Variants in GOLGA4 observed in about 807,000 individuals in gnomAD.
GOLGA4 encodes golgin subfamily A member 4.
Under a neutral mutation model 265.9 loss-of-function variants are expected in GOLGA4, and 169 were observed. The observed-to-expected ratio is 0.64, with a 90% CI of 0.56 to 0.72. The LOEUF is 0.72. Among genes scored for constraint, GOLGA4 ranks in the 30% least tolerant of loss-of-function variants. GOLGA4 has a pLI of 0.00. For synonymous variants in GOLGA4, 923 were observed against 855.8 expected (o/e 1.08, Z -1.37); for missense variants, 2,482 against 2,483.4 (o/e 1.00, Z 0.01).
Position 37,244,768 on chromosome 3 carries a change from A to G in GOLGA4, c.72+1146A>G, listed in dbSNP as rs368380697. Among the ~76,000 whole-genome samples the G allele has an allele frequency of 2.4e-3, 373 of 152,370 alleles. 4 individuals carry two copies. The highest frequency in any genetic ancestry group is 8.4e-3 in the African/African-American group (351 of 41,590). On this transcript the variant is annotated intron_variant, in intron 1 of 23. Transcript: ENST00000361924. Reference sequence around the variant, plus strand: ...TGCTTGAGAAAAACATCAGAACACAACACTGAAGGGTTGCTTCTTTTCTCA... The same window carrying G: ...TGCTTGAGAAAAACATCAGAACACAGCACTGAAGGGTTGCTTCTTTTCTCA...
intron 20 of GOLGA4, among the ~76,000 whole-genome samples, chr3:37,346,603 A>G (rs2097057192): frequency 2.0e-5 from 3 of 152,286 alleles, no homozygotes; most frequent in African/African-American, 7.2e-5. Flanking sequence ...GCTTTTATAA[A>G]CAGTGTAAGT....
intron 2 of GOLGA4, among the ~76,000 whole-genome samples, chr3:37,262,353 A>G (rs202108955): frequency 1.3e-5 from 2 of 152,068 alleles, no homozygotes; most frequent in African/African-American, 4.8e-5. Context: ...TAATAATACA[A>G]AAATTAGCTG....
In GOLGA4 at chr3:37,247,550, A is replaced by G. The variant is rs116957824; in HGVS notation, c.73-3845A>G. 5.9e-4 allele frequency among the ~76,000 whole-genome samples: 90 copies of G among 152,328 alleles called. 2 individuals carry two copies. In the East Asian group the frequency reaches 0.016, roughly 27 times the overall value. On this transcript the variant is annotated intron_variant, in intron 1 of 23. Transcript: ENST00000361924. Reference sequence around the variant, plus strand: ...GACAAGGGATTCAAGGCTTATTCCTAAGGATGACTGGATTAGTTTTCTAAT... The same window carrying G: ...GACAAGGGATTCAAGGCTTATTCCTGAGGATGACTGGATTAGTTTTCTAAT...
intron 21 of GOLGA4, 121 bp from the exon 22 acceptor site, chr3:37,354,980 T>C: frequency 1.6e-6 from 1 of 639,164 alleles, no homozygotes. Context: ...CACATCATAC[T>C]TCTTTGTTCG....
chr3:37,273,697 G>A, intron 2 of GOLGA4: 1 of 719,384 alleles, frequency 1.4e-6, no homozygotes, highest in East Asian at 2.7e-5. Context: ...CATTGAAATG[G>A]TGATGTCCAA....
intron 2 of GOLGA4, among the ~76,000 whole-genome samples, chr3:37,254,103 A>G (rs2096741589): frequency 6.6e-6 from 1 of 152,200 alleles, no homozygotes; most frequent in African/African-American, 2.4e-5. Context: ...ATATACTATA[A>G]TGTCAATCAA....
At chr3:37,316,078 A>G (rs1031291007) in intron 11 of GOLGA4, among the ~76,000 whole-genome samples, 22 of 152,196 alleles carry the variant, frequency 1.4e-4, no homozygotes, top group Non-Finnish European at 1.5e-5. Flanking sequence ...TTTTGGAAAG[A>G]TCTCTTAGAA....
In GOLGA4 at chr3:37,324,063, A is replaced by G. The variant is rs781423006; in HGVS notation, c.2177A>G (p.Asp726Gly). 5.0e-5 allele frequency: 80 copies of G among 1,614,002 alleles called. 1 individual carries two copies. In the South Asian group the frequency reaches 8.1e-4, roughly 16 times the overall value. Residue 726 changes from aspartate to glycine, a missense_variant, in exon 14 of 24, where the codon GAT becomes GGT. Coordinates refer to ENST00000361924, the MANE Select transcript of GOLGA4 (RefSeq NM_002078.5). ...KMKQELEAKM[D>G]EQKNHHQQQV... is the part of the protein sequence containing the mutation. The stretch of plus-strand genomic sequence containing the variant: ...AAGCAGGAATTAGAGGCCAAGATGG[A>G]TGAACAGAAAAATCATCACCAGCAG...
Position 37,275,893 on chromosome 3 carries a change from G to A in GOLGA4, c.163-6065G>A, listed in dbSNP as rs1217916553. ...ATGAGGAAGTTACATCTTTGGCAAA[G>A]TCTCTCATCAAATCCTGGAAAAAAT... On this transcript the variant is annotated intron_variant, in intron 2 of 23. Transcript: ENST00000361924. 3 of 1,613,650 alleles carry A rather than the reference G, an allele frequency of 1.9e-6. No homozygotes were observed. In the Admixed American group the frequency reaches 5.0e-5, roughly 27 times the overall value.
At chr3:37,304,171 G>A (rs2096900386) in intron 10 of GOLGA4, among the ~76,000 whole-genome samples, 1 of 152,166 alleles carries the variant, frequency 6.6e-6, no homozygotes. Flanking sequence ...AAATGGAGAA[G>A]GTAAGATGAA....
At chr3:37,247,198 A>G (rs931880281) in intron 1 of GOLGA4, among the ~76,000 whole-genome samples, 3 of 152,214 alleles carry the variant, frequency 2.0e-5, no homozygotes, top group African/African-American at 7.2e-5. Context: ...TGGGATGTCA[A>G]ATTGATTTGG....
intron 16 of GOLGA4, 110 bp from the exon 17 acceptor site, chr3:37,334,943 G>T (rs1031507547): frequency 1.6e-6 from 1 of 609,296 alleles, no homozygotes; most frequent in Non-Finnish European, 3.0e-6. Context: ...CCCTACAGAG[G>T]TAGTTTTCTC....
At position 37,324,622 on chromosome 3, in the gene GOLGA4, G is replaced by C; in HGVS notation, c.2736G>C (p.Met912Ile). Residue 912 changes from methionine (M) to isoleucine (I), a missense_variant, in exon 14 of 24, where the codon ATG becomes ATC. This residue lies in a region of GOLGA4 where 1,536 missense variants were observed against 1,483.7 expected (regional missense o/e 1.04). Transcript: ENST00000361924. ...AAATCTTGGTGGAAAAGGAAAATATGATTTTACAAATGAGAGAAGGACAGA... is the reference window on the plus strand; with the variant it reads ...AAATCTTGGTGGAAAAGGAAAATATCATTTTACAAATGAGAGAAGGACAGA... ...TKQILVEKEN[M>I]ILQMREGQKK... The C allele has an allele frequency of 1.2e-6, 2 of 1,613,008 alleles. No individual in the cohort carries two copies. The highest frequency in any genetic ancestry group is 1.7e-6 in the Non-Finnish European group (2 of 1,179,520).
rs749802682 is a variant in GOLGA4 at position 37,323,883 on chromosome 3, C to T, written c.1997C>T (p.Ala666Val). The T allele has an allele frequency of 1.2e-6, 2 of 1,612,794 alleles. No homozygotes were observed. Among genetic ancestry groups the T allele is most frequent in the East Asian group, 4.5e-5 (2 of 44,860 alleles). The part of the protein sequence containing the change: ...LLKDKEIIFQ[A>V]HIEEMNEKTL... ...AAAGACAAAGAGATTATCTTCCAGG[C>T]CCACATAGAAGAAATGAATGAAAAG... is the stretch of plus-strand genomic sequence containing the variant. The change falls in exon 14 of 24, where the codon GCC becomes GTC. Residue 666 changes from alanine to valine, a missense_variant. By Grantham distance (64) the Ala-to-Val change is moderately conservative. This residue lies in a region of GOLGA4 where 1,536 missense variants were observed against 1,483.7 expected (regional missense o/e 1.04). Transcript: ENST00000361924.
chr3:37,283,474 A>G (rs926193718), intron 3 of GOLGA4, among the ~76,000 whole-genome samples: 2 of 152,158 alleles, frequency 1.3e-5, no homozygotes, highest in African/African-American at 4.8e-5. Flanking sequence ...GGGTAGTGGT[A>G]TAAGTAGTAT....
chr3:37,325,041 A>G lies in GOLGA4; in HGVS notation c.3155A>G (p.Asn1052Ser), dbSNP rs2096965982. 3 of 1,612,976 alleles carry G rather than the reference A, an allele frequency of 1.9e-6. No homozygotes were observed. Among genetic ancestry groups the G allele is most frequent in the African/African-American group, 2.7e-5 (2 of 74,936 alleles). The change falls in exon 14 of 24, where the codon AAT becomes AGT. Residue 1052 changes from asparagine (N) to serine (S), a missense_variant. Physicochemically the swap from Asn to Ser is conservative, Grantham distance 46. Coordinates refer to ENST00000361924, the MANE Select transcript of GOLGA4 (RefSeq NM_002078.5). ...ATATCAATCTGGGAAAAGAAACTTA[A>G]TCAGCAAGCTGAAGAACTTCAGGAA... is the stretch of plus-strand genomic sequence containing the variant. ...DVISIWEKKL[N>S]QQAEELQEIH...
At chr3:37,328,625 T>G (rs2096980087) in intron 15 of GOLGA4, 88 bp downstream of exon 15, 1 of 1,166,472 alleles carries the variant, frequency 8.6e-7, no homozygotes, top group Admixed American at 2.7e-5. Context: ...GGTAAGTGCA[T>G]TAAGTCATTA....
intron 2 of GOLGA4, among the ~76,000 whole-genome samples, chr3:37,257,971 ATACATATATATATGTATGTATATATG>A (rs2096755760): frequency 1.0e-5 from 1 of 98,300 alleles, no homozygotes; most frequent in Non-Finnish European, 1.9e-5. Flanking sequence ...GTATATATAC[ATACATATATATATGTATGTATATATG>A]TATATATACA....
chr3:37,360,168 A>G (rs1240247480), intron 22 of GOLGA4, among the ~76,000 whole-genome samples: 2 of 152,172 alleles, frequency 1.3e-5, no homozygotes, highest in African/African-American at 4.8e-5. Context: ...AGAGTATGCA[A>G]TGGCTTGCTT....
Sources: allele counts gnomAD v4.1 joint callset (sites outside exome capture counted in the v4.1 genomes callset), GRCh38; gene constraint gnomAD v4.1.1; regional missense constraint gnomAD v4.1.1; transcripts MANE v1.5; gene names NCBI Gene and HGNC (gene_info 2026-07-23, HGNC 2026-07-21).